TRABD2B: variants seen among roughly 807,000 people sequenced by gnomAD.
The protein encoded by TRABD2B is TraB domain containing 2B.
Under a neutral mutation model 40.1 loss-of-function variants are expected in TRABD2B, and 14 were observed. The observed-to-expected ratio is 0.35, with a 90% CI of 0.23 to 0.55. TRABD2B has a LOEUF of 0.55. TRABD2B is among the 20% of genes least tolerant of loss of function. TRABD2B has a pLI of 0.90. For synonymous variants in TRABD2B, 263 were observed against 277.0 expected (o/e 0.95, Z 0.50); for missense variants, 541 against 648.6 (o/e 0.83, Z 1.80).
intron 2 of TRABD2B, among the ~76,000 whole-genome samples, chr1:47,893,121 G>A (rs1313184018): frequency 3.3e-5 from 5 of 152,184 alleles, no homozygotes; most frequent in Non-Finnish European, 7.3e-5. Context: ...CCCTCAGCTG[G>A]TGGGTGTGTT....
At chr1:47,908,186 T>A (rs932441905) in intron 2 of TRABD2B, among the ~76,000 whole-genome samples, 1 of 152,184 alleles carries the variant, frequency 6.6e-6, no homozygotes, top group Non-Finnish European at 1.5e-5. Flanking sequence ...AATAATCCCA[T>A]TTTTATAACT....
intron 2 of TRABD2B, among the ~76,000 whole-genome samples, chr1:47,909,787 CA>C (rs1278334550): frequency 0.033 from 60 of 1,820 alleles, 2 homozygotes; most frequent in East Asian, 0.19. Context: ...CTCCCCTCCC[CA>C]TCCCCCCCCC....
chr1:47,861,918 A>G (rs997526437), intron 2 of TRABD2B, among the ~76,000 whole-genome samples: 2 of 152,206 alleles, frequency 1.3e-5, no homozygotes, highest in Admixed American at 6.5e-5. Flanking sequence ...ACATACCACA[A>G]CCAAGTGGGA....
At chr1:47,995,231 CTT>C (rs1242228662) in intron 1 of TRABD2B, among the ~76,000 whole-genome samples, 2 of 152,304 alleles carry the variant, frequency 1.3e-5, no homozygotes, top group Admixed American at 6.5e-5. Flanking sequence ...GGTGAATACA[CTT>C]TTCTTTTTGG....
chr1:47,950,972 G>A (rs1033014647), intron 2 of TRABD2B, among the ~76,000 whole-genome samples: 6 of 152,236 alleles, frequency 3.9e-5, no homozygotes, highest in East Asian at 3.9e-4. Flanking sequence ...TTTCATTTCC[G>A]TGGGCACAGT....
intron 2 of TRABD2B, among the ~76,000 whole-genome samples, chr1:47,990,561 G>A (rs1284997631): frequency 2.0e-5 from 3 of 151,586 alleles, no homozygotes; most frequent in Non-Finnish European, 2.9e-5. Context: ...CCCTGCCCTG[G>A]AGCCAGCCTA....
intron 4 of TRABD2B, among the ~76,000 whole-genome samples, chr1:47,786,167 G>C (rs1644592749): frequency 6.6e-6 from 1 of 152,240 alleles, no homozygotes; most frequent in Non-Finnish European, 1.5e-5. Context: ...CGCAGGCTGA[G>C]AGAAGTGAAG....
At chr1:47,985,347 G>A (rs929206269) in intron 2 of TRABD2B, among the ~76,000 whole-genome samples, 4 of 152,230 alleles carry the variant, frequency 2.6e-5, no homozygotes, top group Admixed American at 2.6e-4. Context: ...GAGGTGGGAA[G>A]GAGCTTAATG....
intron 2 of TRABD2B, among the ~76,000 whole-genome samples, chr1:47,831,296 G>GA (rs1645245883): frequency 6.6e-6 from 1 of 152,164 alleles, no homozygotes; most frequent in Non-Finnish European, 1.5e-5. Context: ...GAGGCCTCGG[G>GA]AAAAATGCAA....
At chr1:47,947,301 G>C (rs1056107492) in intron 2 of TRABD2B, among the ~76,000 whole-genome samples, 2 of 152,018 alleles carry the variant, frequency 1.3e-5, no homozygotes, top group Non-Finnish European at 2.9e-5. Flanking sequence ...TGAGATTTGT[G>C]CTACTTTCTC....
intron 2 of TRABD2B, among the ~76,000 whole-genome samples, chr1:47,802,873 G>T (rs1216538871): frequency 6.6e-6 from 1 of 151,978 alleles, no homozygotes; most frequent in Non-Finnish European, 1.5e-5. Flanking sequence ...ACGTTCACAG[G>T]TCCCTCCCAC....
intron 2 of TRABD2B, among the ~76,000 whole-genome samples, chr1:47,977,434 A>G (rs1005028530): frequency 2.0e-5 from 3 of 152,122 alleles, no homozygotes; most frequent in African/African-American, 4.8e-5. Context: ...GCTGAAGGAG[A>G]GTGGGACAAA....
intron 2 of TRABD2B, among the ~76,000 whole-genome samples, chr1:47,832,084 G>C (rs933437208): frequency 7.2e-5 from 11 of 152,208 alleles, no homozygotes; most frequent in Non-Finnish European, 1.0e-4. Context: ...TGTAATCCCA[G>C]CACTTTGGGA....
chr1:47,868,446 T>TC (rs1644091388), intron 2 of TRABD2B, among the ~76,000 whole-genome samples: 1 of 152,108 alleles, frequency 6.6e-6, no homozygotes, highest in Admixed American at 6.5e-5. Context: ...CTGGTACATG[T>TC]CCATGGCCTG....
In TRABD2B at chr1:47,774,792, G is replaced by T. The variant is rs138991380; in HGVS notation, c.1349+378C>A. Among the ~76,000 whole-genome samples, 438 of 152,266 alleles carry T rather than the reference G, an allele frequency of 2.9e-3. 1 individual carries two copies. The highest frequency in any genetic ancestry group is 0.014 in the Middle Eastern group (4 of 294). On this transcript the variant is annotated intron_variant, in intron 6 of 6. Coordinates refer to ENST00000606738, the MANE Select transcript of TRABD2B (RefSeq NM_001194986.2). ...GCTACTCACAGCTTCTAGGCACAGGGAGCTCATGCCTTTTGGCTTAGCCAG... is the reference window on the plus strand; with the variant it reads ...GCTACTCACAGCTTCTAGGCACAGGTAGCTCATGCCTTTTGGCTTAGCCAG...
chr1:47,988,303 G>A (rs1444010169), intron 2 of TRABD2B, among the ~76,000 whole-genome samples: 2 of 152,210 alleles, frequency 1.3e-5, no homozygotes, highest in Non-Finnish European at 2.9e-5. Context: ...CAGTTTCCAT[G>A]CTGCAAACAG....
chr1:47,871,987 T>C (rs1275293351), intron 2 of TRABD2B, among the ~76,000 whole-genome samples: 1 of 152,188 alleles, frequency 6.6e-6, no homozygotes, highest in Non-Finnish European at 1.5e-5. Flanking sequence ...ATATGAGTCA[T>C]CTTGCATCTG....
intron 5 of TRABD2B, 144 bp downstream of exon 5, chr1:47,778,310 C>T (rs1410081348): frequency 1.5e-6 from 1 of 655,242 alleles, no homozygotes; most frequent in Non-Finnish European, 2.7e-6. Context: ...TTCCCAATCT[C>T]CTGCCTCCAG....
chr1:47,836,758 T>C (rs941421059), intron 2 of TRABD2B, among the ~76,000 whole-genome samples: 2 of 152,288 alleles, frequency 1.3e-5, no homozygotes, highest in Non-Finnish European at 2.9e-5. Flanking sequence ...ATGAGATTAG[T>C]ACTTACAAAA....
Sources: allele counts gnomAD v4.1 joint callset (sites outside exome capture counted in the v4.1 genomes callset), GRCh38; gene constraint gnomAD v4.1.1; transcripts MANE v1.5; gene names NCBI Gene and HGNC (gene_info 2026-07-23, HGNC 2026-07-21).